STT3B: variants seen among roughly 807,000 people sequenced by gnomAD.
STT3B encodes the protein STT3 oligosaccharyltransferase complex catalytic subunit B, also known as dolichyl-diphosphooligosaccharide--protein glycosyltransferase subunit STT3B.
Under a neutral mutation model 96.8 loss-of-function variants are expected in STT3B, and 29 were observed. The ratio of observed to expected loss-of-function variants is 0.30; its 90% CI spans 0.22 to 0.41. The LOEUF is 0.41. STT3B is among the 10% of genes least tolerant of loss of function. The probability of loss-of-function intolerance (pLI) is 1.00; values close to 1 mark genes in which losing one functional copy is unlikely to be tolerated. For missense variants in STT3B, 640 were observed against 1,022.3 expected (o/e 0.63, Z 5.10); for synonymous variants, 367 against 360.0 (o/e 1.02, Z -0.22).
chr3:31,577,744 A>G (rs1176082804), intron 2 of STT3B, among the ~76,000 whole-genome samples: 1 of 152,162 alleles, frequency 6.6e-6, no homozygotes, highest in African/African-American at 2.4e-5. Flanking sequence ...AATAGTCGTT[A>G]TCATGTTCTG....
intron 1 of STT3B, among the ~76,000 whole-genome samples, chr3:31,574,308 C>G (rs1698219704): frequency 6.6e-6 from 1 of 152,054 alleles, no homozygotes; most frequent in Non-Finnish European, 1.5e-5. Context: ...GCTTCTATTG[C>G]TAATCCAGGT....
intron 1 of STT3B, among the ~76,000 whole-genome samples, chr3:31,541,354 T>A (rs1420878829): frequency 6.6e-6 from 1 of 152,182 alleles, no homozygotes; most frequent in Non-Finnish European, 1.5e-5. Flanking sequence ...ACATCCTTCC[T>A]TTTTCTCATA....
Position 31,633,126 on chromosome 3 carries a change from A to G in STT3B, c.2379A>G (p.Lys793=). The G allele has an allele frequency of 6.2e-7, 1 of 1,613,910 alleles. No individual in the cohort carries two copies. The highest frequency in any genetic ancestry group is 8.5e-7 in the Non-Finnish European group (1 of 1,179,918). ...HKPRVTNIFP[K]QKYLSKKTTK... Reference sequence around the variant, plus strand: ...CTCGAGTCACCAACATTTTCCCAAAACAGAAGTATTTGTCAAAGAAGGTGG... The same window carrying G: ...CTCGAGTCACCAACATTTTCCCAAAGCAGAAGTATTTGTCAAAGAAGGTGG... The change falls in exon 15 of 16, where the codon AAA becomes AAG. Residue 793 remains lysine (K), a synonymous_variant. Coordinates refer to ENST00000295770, the MANE Select transcript of STT3B (RefSeq NM_178862.3).
chr3:31,557,963 C>CT (rs1280069656), intron 1 of STT3B, among the ~76,000 whole-genome samples: 1 of 152,176 alleles, frequency 6.6e-6, no homozygotes, highest in Non-Finnish European at 1.5e-5. Context: ...TTCCTGATTT[C>CT]TTTCTCAGCT....
intron 3 of STT3B, among the ~76,000 whole-genome samples, chr3:31,582,369 C>T (rs1698427552): frequency 1.3e-5 from 2 of 149,238 alleles, no homozygotes; most frequent in East Asian, 2.0e-4. Context: ...GCAGTCGGCT[C>T]GCTGCAACCT....
intron 1 of STT3B, 176 bp downstream of exon 1, chr3:31,533,488 A>G (rs1575399521): frequency 2.6e-6 from 2 of 777,166 alleles, no homozygotes; most frequent in East Asian, 8.0e-5. Flanking sequence ...CCGTGGGCGA[A>G]GTTTGCCCCG....
intron 5 of STT3B, among the ~76,000 whole-genome samples, chr3:31,605,974 G>C (rs57148163): frequency 6.6e-6 from 1 of 152,292 alleles, no homozygotes; most frequent in African/African-American, 2.4e-5. Flanking sequence ...GGAACTTTTT[G>C]GGAAATGGAG....
chr3:31,585,840 A>G (rs1246287805), intron 3 of STT3B, among the ~76,000 whole-genome samples: 3 of 152,146 alleles, frequency 2.0e-5, no homozygotes, highest in Non-Finnish European at 2.9e-5. Context: ...ATTGCTGAAT[A>G]GTACTCCATT....
At chr3:31,539,796 CT>C (rs1697217419) in intron 1 of STT3B, among the ~76,000 whole-genome samples, 1 of 152,082 alleles carries the variant, frequency 6.6e-6, no homozygotes, top group African/African-American at 2.4e-5. Context: ...TCAAATCCAA[CT>C]GAATATTGTT....
Position 31,567,969 on chromosome 3 carries a change from G to T in STT3B, c.315-8427G>T, listed in dbSNP as rs1465318660. ...TCTTATTCATCCTAAGTATATTTTT[G>T]TATCCGTTACCCCTCCCCACATTTT... On this transcript the variant is annotated intron_variant, in intron 1 of 15. Transcript: ENST00000295770. 2.7e-5 allele frequency among the ~76,000 whole-genome samples: 4 copies of T among 149,552 alleles called. No homozygotes were observed. The East Asian group carries it at 7.8e-4, about 29-fold the overall frequency.
chr3:31,540,254 A>G lies in STT3B; in HGVS notation c.314+6942A>G, dbSNP rs560300335. 1.1e-4 allele frequency among the ~76,000 whole-genome samples: 17 copies of G among 152,278 alleles called. No homozygotes were observed. The South Asian group carries it at 1.4e-3, about 13-fold the overall frequency. ...GACTCATTTGGAATTATTTAAAAAA[A>G]TTGTGTGTACTGGTTGTCTGTAATC... On this transcript the variant is annotated intron_variant, in intron 1 of 15. Coordinates refer to ENST00000295770, the MANE Select transcript of STT3B (RefSeq NM_178862.3).
At chr3:31,631,810 T>A (rs1699669693) in intron 14 of STT3B, among the ~76,000 whole-genome samples, 1 of 151,738 alleles carries the variant, frequency 6.6e-6, no homozygotes, top group Non-Finnish European at 1.5e-5. Context: ...AAAAAAAAGT[T>A]GAATTTACTT....
chr3:31,540,551 A>G (rs1339938555), intron 1 of STT3B, among the ~76,000 whole-genome samples: 2 of 152,044 alleles, frequency 1.3e-5, no homozygotes, highest in African/African-American at 2.4e-5. Context: ...TTCTTTGGTG[A>G]TATCTAGCTA....
chr3:31,568,311 T>G (rs1698056104), intron 1 of STT3B, among the ~76,000 whole-genome samples: 1 of 152,214 alleles, frequency 6.6e-6, no homozygotes. Flanking sequence ...TGAATAATGC[T>G]GCAATAAACA....
In STT3B at chr3:31,544,943, C is replaced by T. The variant is rs558566323; in HGVS notation, c.314+11631C>T. 1.3e-4 allele frequency among the ~76,000 whole-genome samples: 19 copies of T among 150,974 alleles called. No homozygotes were observed. The East Asian group carries it at 2.9e-3, about 23-fold the overall frequency. On this transcript the variant is annotated intron_variant, in intron 1 of 15. Coordinates refer to ENST00000295770, the MANE Select transcript of STT3B (RefSeq NM_178862.3). ...CAGAGCAAGACTCTGTCTCAGGGAG[C>T]GGGGGGGGAACATTGCATATGCTCT...
At chr3:31,584,111 G>A (rs892764694) in intron 3 of STT3B, among the ~76,000 whole-genome samples, 2 of 152,134 alleles carry the variant, frequency 1.3e-5, no homozygotes, top group East Asian at 1.9e-4. Context: ...GTGTGAGAGA[G>A]GAATTCCAAC....
intron 1 of STT3B, chr3:31,533,726 C>G (rs1423235129): frequency 6.4e-6 from 1 of 155,514 alleles, no homozygotes; most frequent in Non-Finnish European, 1.4e-5. Context: ...CCCCGCCCTC[C>G]TCGCCCGCTG....
intron 1 of STT3B, among the ~76,000 whole-genome samples, chr3:31,553,055 T>C (rs1697606466): frequency 7.0e-6 from 1 of 142,072 alleles, no homozygotes; most frequent in African/African-American, 2.7e-5. Context: ...TGAGTCGAGA[T>C]CGCGCCACTG....
intron 3 of STT3B, among the ~76,000 whole-genome samples, chr3:31,582,467 G>T (rs1698430502): frequency 6.6e-6 from 1 of 151,612 alleles, no homozygotes; most frequent in African/African-American, 2.4e-5. Context: ...GCTAATTTTT[G>T]TATTTTTAGT....
Sources: allele counts gnomAD v4.1 joint callset (sites outside exome capture counted in the v4.1 genomes callset), GRCh38; gene constraint gnomAD v4.1.1; transcripts MANE v1.5; gene names NCBI Gene and HGNC (gene_info 2026-07-23, HGNC 2026-07-21).